ATP5F1C: variants seen among roughly 807,000 people sequenced by gnomAD.
The protein encoded by ATP5F1C is ATP synthase F1 subunit gamma.
ATP5F1C carries 22 observed loss-of-function variants against 37.4 expected under a neutral mutation model. That is an observed-to-expected ratio of 0.59 (90% confidence interval 0.42 to 0.84). The LOEUF (loss-of-function observed/expected upper bound fraction) is 0.84. ATP5F1C is among the 40% of genes least tolerant of loss of function. The pLI is 0.00. For synonymous variants in ATP5F1C, 121 were observed against 128.0 expected (o/e 0.95, Z 0.37); for missense variants, 286 against 362.4 (o/e 0.79, Z 1.71).
Position 7,796,115 on chromosome 10 carries a change from C to T in ATP5F1C, c.57-6C>T. On this transcript the variant is annotated splice_polypyrimidine_tract_variant and splice_region_variant and intron_variant, in intron 1 of 9. Coordinates refer to ENST00000356708, the MANE Select transcript of ATP5F1C (RefSeq NM_001001973.3). ...ACTGAAACATTTTTAAAACTTTTAT[C>T]CTCAGGATTCAAGTTCGAAATATGG... 6.3e-7 allele frequency: 1 copy of T among 1,586,464 alleles called. No individual in the cohort carries two copies. Among genetic ancestry groups the T allele is most frequent in the Non-Finnish European group, 8.5e-7 (1 of 1,170,038 alleles).
At chr10:7,794,879 G>A (rs1266615228) in intron 1 of ATP5F1C, among the ~76,000 whole-genome samples, 1 of 152,158 alleles carries the variant, frequency 6.6e-6, no homozygotes, top group Non-Finnish European at 1.5e-5. Flanking sequence ...TACTACGAAT[G>A]TACATGTGAA....
At position 7,799,052 on chromosome 10, in the gene ATP5F1C, G is replaced by A. The variant is rs755984453; in HGVS notation, c.286G>A (p.Val96Met). The change falls in exon 4 of 10, where the codon GTG becomes ATG. Residue 96 changes from valine (V) to methionine (M), a missense_variant. Coordinates refer to ENST00000356708, the MANE Select transcript of ATP5F1C (RefSeq NM_001001973.3). Reference sequence around the variant, plus strand: ...CAAGAAGAAACACCTCCTTATTGGTGTGTCCTCAGATCGAGGACTGTGTGG... The same window carrying A: ...CAAGAAGAAACACCTCCTTATTGGTATGTCCTCAGATCGAGGACTGTGTGG... The part of the protein sequence containing the change: ...EDKKKHLLIG[V>M]SSDRGLCGAI... 24 of 1,612,946 alleles carry A rather than the reference G, an allele frequency of 1.5e-5. No individual in the cohort carries two copies. Among genetic ancestry groups the A allele is most frequent in the Non-Finnish European group, 2.0e-5 (24 of 1,179,876 alleles).
At position 7,807,137 on chromosome 10, in the gene ATP5F1C, C is replaced by T. The variant is rs35665884; in HGVS notation, c.*30+127C>T. 5,949 of 834,288 alleles carry T rather than the reference C, an allele frequency of 7.1e-3. 37 individuals carry two copies. The highest frequency in any genetic ancestry group is 0.022 in the South Asian group (1,024 of 46,776). 51.7% of individuals were successfully genotyped at this position (834,288 alleles called of 1,614,324 possible). ...AGATGGATGGGCCACTTCACAGTAGCAGCCAACTCACGGGAGCACCTGGGC... is the reference window on the plus strand; with the variant it reads ...AGATGGATGGGCCACTTCACAGTAGTAGCCAACTCACGGGAGCACCTGGGC... On this transcript the variant is annotated intron_variant, in intron 9 of 9. Transcript: ENST00000356708.
In ATP5F1C at chr10:7,806,619, A is replaced by T. The variant is rs1022231353; in HGVS notation, c.891-355A>T. The stretch of plus-strand genomic sequence containing the variant: ...CAGTGAGCTGAGATCACGCCACTGC[A>T]CTCCAGCCTGGGCAACAGAACAAGA... On this transcript the variant is annotated intron_variant, in intron 8 of 9. Transcript: ENST00000356708. Among the ~76,000 whole-genome samples the T allele has an allele frequency of 2.0e-5, 3 of 151,214 alleles. No homozygotes were observed. The Admixed American group carries it at 2.0e-4, about 10-fold the overall frequency.
At chr10:7,800,794 C>T (rs1487955863) in intron 6 of ATP5F1C, among the ~76,000 whole-genome samples, 1 of 152,176 alleles carries the variant, frequency 6.6e-6, no homozygotes. Context: ...TGCACCCGGC[C>T]GATCTGGGGC....
chr10:7,799,491 G>A (rs1836309462), intron 4 of ATP5F1C: 2 of 556,592 alleles, frequency 3.6e-6, no homozygotes, highest in South Asian at 4.7e-5. Context: ...CATCTGAGGA[G>A]CTGTTACAGC....
Position 7,799,044 on chromosome 10 carries a change from T to C in ATP5F1C, c.278T>C (p.Leu93Pro). 5 of 1,612,758 alleles carry C rather than the reference T, an allele frequency of 3.1e-6. No homozygotes were observed. Among genetic ancestry groups the C allele is most frequent in the Non-Finnish European group, 4.2e-6 (5 of 1,179,866 alleles). Residue 93 changes from leucine to proline, a missense_variant, in exon 4 of 10, where the codon CTT (leucine) becomes CCT (proline). By Grantham distance (98) the Leu-to-Pro change is moderately conservative. Transcript: ENST00000356708. ...CCTGAAGACAAGAAGAAACACCTCCTTATTGGTGTGTCCTCAGATCGAGGA... is the reference window on the plus strand; with the variant it reads ...CCTGAAGACAAGAAGAAACACCTCCCTATTGGTGTGTCCTCAGATCGAGGA... ...KGPEDKKKHL[L>P]IGVSSDRGLC... is the part of the protein sequence containing the mutation.
At position 7,804,569 on chromosome 10, in the gene ATP5F1C, A is replaced by G. The variant is rs12774146; in HGVS notation, c.890+1715A>G. Among the ~76,000 whole-genome samples, 910 of 152,276 alleles carry G rather than the reference A, an allele frequency of 6.0e-3. 8 individuals carry two copies. The highest frequency in any genetic ancestry group is 0.024 in the South Asian group (115 of 4,830). ...CTGGGGGAATCCTTTCTTCCAGAAAACACTCCTTCCTTCAGTCTGAGTGAG... is the reference window on the plus strand; with the variant it reads ...CTGGGGGAATCCTTTCTTCCAGAAAGCACTCCTTCCTTCAGTCTGAGTGAG... On this transcript the variant is annotated intron_variant, in intron 8 of 9. Transcript: ENST00000356708.
chr10:7,798,184 C>A (rs972861071), intron 3 of ATP5F1C, among the ~76,000 whole-genome samples: 2 of 151,036 alleles, frequency 1.3e-5, no homozygotes, highest in African/African-American at 4.9e-5. Context: ...GACAGCTGTC[C>A]TTTGTTTTTT....
intron 1 of ATP5F1C, among the ~76,000 whole-genome samples, chr10:7,788,988 G>A (rs1253927658): frequency 6.6e-6 from 1 of 151,984 alleles, no homozygotes; most frequent in African/African-American, 2.4e-5. Context: ...GGAGTTCGGT[G>A]GGCTTTTAAG....
At chr10:7,799,269 ACT>A (rs1249308119) in intron 4 of ATP5F1C, 75 bp downstream of exon 4, 5 of 1,379,180 alleles carry the variant, frequency 3.6e-6, no homozygotes, top group Non-Finnish European at 5.1e-6. Context: ...GTTTTGACAA[ACT>A]CTCAAAACCT....
At chr10:7,799,549 A>G in intron 4 of ATP5F1C, 1 of 587,434 alleles carries the variant, frequency 1.7e-6, no homozygotes, top group South Asian at 2.3e-5. Flanking sequence ...AGAGGAATAA[A>G]GGGGAAAAGA....
intron 1 of ATP5F1C, among the ~76,000 whole-genome samples, chr10:7,788,712 G>C (rs2853765): frequency 0.85 from 129,550 of 151,972 alleles, 55,439 homozygotes; most frequent in East Asian, 0.96. Flanking sequence ...TTGAAACCCT[G>C]TAGTGCTGGA....
chr10:7,801,894 A>G (rs1836373245), intron 6 of ATP5F1C, among the ~76,000 whole-genome samples: 1 of 152,166 alleles, frequency 6.6e-6, no homozygotes, highest in Non-Finnish European at 1.5e-5. Context: ...ATTCGTTTCA[A>G]TTCATTATTA....
rs1836253058 is a variant in ATP5F1C at position 7,797,074 on chromosome 10, A to T, written c.119A>T (p.Asn40Ile). The T allele has an allele frequency of 6.2e-7, 1 of 1,614,058 alleles. No homozygotes were observed. Among genetic ancestry groups the T allele is most frequent in the African/African-American group, 1.3e-5 (1 of 74,946 alleles). ...ACCAGGAGACTAAAGTCCATCAAAA[A>T]CATCCAGAAAATTACCAAGTCTATG... is the stretch of plus-strand genomic sequence containing the variant. Reference protein sequence around the residue: ...DITRRLKSIKNIQKITKSMKM... With the variant: ...DITRRLKSIKIIQKITKSMKM... The change falls in exon 3 of 10, where the codon AAC becomes ATC. Residue 40 changes from asparagine (N) to isoleucine (I), a missense_variant. Physicochemically the swap from Asn to Ile is moderately radical, Grantham distance 149. Transcript: ENST00000356708.
At chr10:7,803,335 T>A (rs1244432) in intron 8 of ATP5F1C, among the ~76,000 whole-genome samples, 65,717 of 151,914 alleles carry the variant, frequency 0.43, 14,337 homozygotes, top group South Asian at 0.55. Flanking sequence ...TTGGTTCCAG[T>A]ACTCACTCTC....
At chr10:7,790,045 A>G (rs1836137904) in intron 1 of ATP5F1C, among the ~76,000 whole-genome samples, 1 of 152,138 alleles carries the variant, frequency 6.6e-6, no homozygotes, top group Non-Finnish European at 1.5e-5. Flanking sequence ...TCTTCTTTTC[A>G]TGTATTCCTT....
At chr10:7,798,827 G>A (rs1462937688) in intron 3 of ATP5F1C, among the ~76,000 whole-genome samples, 163 bp from the exon 4 acceptor site, 7 of 152,150 alleles carry the variant, frequency 4.6e-5, no homozygotes, top group South Asian at 2.1e-4. Context: ...CACTGTGCCC[G>A]GCCTCAGCTT....
At chr10:7,807,532 AG>A in intron 9 of ATP5F1C, 126 bp from the exon 10 acceptor site, 3 of 1,118,610 alleles carry the variant, frequency 2.7e-6, no homozygotes, top group Non-Finnish European at 3.7e-6. Context: ...TCACTGGTAT[AG>A]GGTAACACTT....
Sources: gnomAD v4.1 joint callset for allele counts (sites outside exome capture counted in the v4.1 genomes callset) on GRCh38, gnomAD v4.1.1 for gene constraint, MANE v1.5 for transcripts, NCBI Gene and HGNC (gene_info 2026-07-23, HGNC 2026-07-21) for gene names.